PTPN13: variants seen among roughly 807,000 people sequenced by gnomAD.
PTPN13 encodes the protein tyrosine-protein phosphatase non-receptor type 13.
In PTPN13, 191 loss-of-function variants were observed where a neutral mutation model predicts 284.0. That is an observed-to-expected ratio of 0.67 (90% CI 0.60 to 0.76). PTPN13 has a LOEUF of 0.76. PTPN13 is among the 30% of genes least tolerant of loss of function. The pLI is 0.00. For missense variants in PTPN13, 2,797 were observed against 2,939.9 expected (o/e 0.95, Z 1.12); for synonymous variants, 986 against 1,022.3 (o/e 0.96, Z 0.68).
At chr4:86,802,146 AGTGTGTGTGT>A (rs55759778) in intron 42 of PTPN13, among the ~76,000 whole-genome samples, 1 of 135,100 alleles carries the variant, frequency 7.4e-6, no homozygotes, top group African/African-American at 2.6e-5. Flanking sequence ...TCAAGATTTT[AGTGTGTGTGT>A]GTGTGTGTGT....
At chr4:86,724,683 A>ATATT (rs1734037582) in intron 10 of PTPN13, among the ~76,000 whole-genome samples, 2 of 152,134 alleles carry the variant, frequency 1.3e-5, no homozygotes, top group African/African-American at 4.8e-5. Context: ...GTTTGAATTA[A>ATATT]TATTCTTTCC....
At chr4:86,669,156 T>C (rs1727434472) in intron 2 of PTPN13, among the ~76,000 whole-genome samples, 1 of 151,646 alleles carries the variant, frequency 6.6e-6, no homozygotes. Flanking sequence ...TGAAGTAATT[T>C]GGCTATCCTC....
intron 1 of PTPN13, among the ~76,000 whole-genome samples, chr4:86,600,062 A>T (rs550832829): frequency 6.6e-6 from 1 of 152,148 alleles, no homozygotes; most frequent in African/African-American, 2.4e-5. Flanking sequence ...AAATGATGTG[A>T]TTGAGCTTTC....
intron 40 of PTPN13, among the ~76,000 whole-genome samples, chr4:86,786,817 T>C (rs1741967505): frequency 6.6e-6 from 1 of 152,160 alleles, no homozygotes; most frequent in African/African-American, 2.4e-5. Context: ...AGAAATGTGA[T>C]GTAGGCCGGG....
At chr4:86,786,290 G>C (rs1392384472) in intron 40 of PTPN13, among the ~76,000 whole-genome samples, 2 of 152,136 alleles carry the variant, frequency 1.3e-5, no homozygotes, top group African/African-American at 2.4e-5. Flanking sequence ...GGTTCTTCAA[G>C]CTCAGCATCA....
intron 1 of PTPN13, among the ~76,000 whole-genome samples, chr4:86,612,263 G>C (rs1023046318): frequency 6.6e-6 from 1 of 152,234 alleles, no homozygotes; most frequent in Non-Finnish European, 1.5e-5. Flanking sequence ...AGGAAAATAT[G>C]ATCTATAATG....
At position 86,722,269 on chromosome 4, in the gene PTPN13, A is replaced by G; in HGVS notation, c.1443A>G (p.Lys481=). The G allele has an allele frequency of 1.9e-6, 3 of 1,613,780 alleles. No individual in the cohort carries two copies. Among genetic ancestry groups the G allele is most frequent in the Non-Finnish European group, 2.5e-6 (3 of 1,179,816 alleles). Residue 481 remains lysine, a synonymous_variant, in exon 10 of 48, where the codon AAA becomes AAG. Coordinates refer to ENST00000411767, the MANE Select transcript of PTPN13 (RefSeq NM_080683.3). ...GNLINQEIML[K]RQEEELMQLQ... is the part of the protein sequence containing the mutation. ...TAATTAATCAAGAGATCATGCTAAA[A>G]CGGCAAGAGGAAGAACTGATGCAGC...
At chr4:86,709,112 C>T (rs986436320) in intron 7 of PTPN13, among the ~76,000 whole-genome samples, 1 of 151,850 alleles carries the variant, frequency 6.6e-6, no homozygotes, top group African/African-American at 2.4e-5. Flanking sequence ...TGGATGGATG[C>T]GTGGATAGAT....
At chr4:86,717,724 G>C (rs1733193297) in intron 9 of PTPN13, among the ~76,000 whole-genome samples, 1 of 152,106 alleles carries the variant, frequency 6.6e-6, no homozygotes, top group African/African-American at 2.4e-5. Context: ...AAAAATCTGT[G>C]AGAAGATAGG....
intron 42 of PTPN13, among the ~76,000 whole-genome samples, chr4:86,801,492 TTC>T (rs1317225757): frequency 6.6e-6 from 1 of 152,234 alleles, no homozygotes; most frequent in Admixed American, 6.5e-5. Flanking sequence ...AGATTAGAAT[TTC>T]AGTTACAGCT....
At position 86,638,230 on chromosome 4, in the gene PTPN13, T is replaced by A. The variant is rs1433567672; in HGVS notation, c.115+2859T>A. Among the ~76,000 whole-genome samples, 3 of 152,078 alleles carry A rather than the reference T, an allele frequency of 2.0e-5. No individual in the cohort carries two copies. The East Asian group carries it at 5.8e-4, about 29-fold the overall frequency. ...CATGCTCATGGGTAGGAAGAGTCAA[T>A]ATCGTGAAAATGGCCATACTGCCCA... On this transcript the variant is annotated intron_variant, in intron 2 of 47. Transcript: ENST00000411767.
At chr4:86,793,640 T>A (rs1742952004) in intron 40 of PTPN13, among the ~76,000 whole-genome samples, 1 of 152,138 alleles carries the variant, frequency 6.6e-6, no homozygotes, top group African/African-American at 2.4e-5. Context: ...AGAACAGAAA[T>A]TATAACAAAC....
Position 86,672,520 on chromosome 4 carries a change from A to T in PTPN13, c.271A>T (p.Thr91Ser). 6.2e-7 allele frequency: 1 copy of T among 1,606,222 alleles called. No individual in the cohort carries two copies. The highest frequency in any genetic ancestry group is 8.5e-7 in the Non-Finnish European group (1 of 1,176,174). ...AGAGGTTCTTCAAAATCAGTCACTA[A>T]CTTCTCTCTCAGATGTTGAAAAGGT... The part of the protein sequence containing the change: ...APEVLQNQSL[T>S]SLSDVEKIHI... Residue 91 changes from threonine to serine, a missense_variant, in exon 3 of 48, where the codon ACT becomes TCT. By Grantham distance (58) the Thr-to-Ser change is moderately conservative. Coordinates refer to ENST00000411767, the MANE Select transcript of PTPN13 (RefSeq NM_080683.3).
Position 86,771,370 on chromosome 4 carries a change from C to T in PTPN13, c.5003C>T (p.Ala1668Val), listed in dbSNP as rs61730639. The change falls in exon 31 of 48, where the codon GCA (alanine) becomes GTA (valine). Residue 1668 changes from alanine (A) to valine (V), a missense_variant. Coordinates refer to ENST00000411767, the MANE Select transcript of PTPN13 (RefSeq NM_080683.3). ...GAAGATGACTTAGTGACAGCTCCAG[C>T]AAACATATCAAATTCGACCTGGAGT... ...SGEDDLVTAP[A>V]NISNSTWSSA... The T allele has an allele frequency of 6.3e-7, 1 of 1,576,770 alleles. No homozygotes were observed. Among genetic ancestry groups the T allele is most frequent in the Non-Finnish European group, 8.6e-7 (1 of 1,160,702 alleles).
chr4:86,753,411 G>A (rs62305561), intron 20 of PTPN13, among the ~76,000 whole-genome samples: 1 of 152,040 alleles, frequency 6.6e-6, no homozygotes, highest in Non-Finnish European at 1.5e-5. Flanking sequence ...CATTCAGACG[G>A]AACAATAAAG....
At chr4:86,631,976 A>G (rs1260611494) in intron 1 of PTPN13, among the ~76,000 whole-genome samples, 2 of 152,164 alleles carry the variant, frequency 1.3e-5, no homozygotes, top group East Asian at 1.9e-4. Context: ...TAAAGCCAAC[A>G]TACTGGTTTT....
At chr4:86,705,106 C>T (rs532343652) in intron 7 of PTPN13, among the ~76,000 whole-genome samples, 1,907 of 152,010 alleles carry the variant, frequency 0.013, 23 homozygotes, top group South Asian at 0.055. Flanking sequence ...GAGGCCAGGG[C>T]GGGCAGATCA....
rs1408481509 is a variant in PTPN13 at position 86,594,513 on chromosome 4, C to G, written c.-282C>G. 1 of 152,454 alleles carries G rather than the reference C, an allele frequency of 6.6e-6. No homozygotes were observed. The highest frequency in any genetic ancestry group is 2.4e-5 in the African/African-American group (1 of 41,430). 9.4% of individuals were successfully genotyped at this position (152,454 alleles called of 1,614,324 possible). A position where few individuals can be genotyped will look rare whatever the true frequency, so the allele number is the denominator to read the frequency against. The stretch of plus-strand genomic sequence containing the variant: ...AGAGGCGTCGAGCACAGTAGGGCGG[C>G]GGGGGTGCGTTGAGCGCTCGGGGGT... On this transcript the variant is annotated 5_prime_UTR_variant, in exon 1 of 48. Transcript: ENST00000411767.
intron 10 of PTPN13, among the ~76,000 whole-genome samples, chr4:86,731,748 A>G (rs1734980993): frequency 6.6e-6 from 1 of 152,254 alleles, no homozygotes; most frequent in Non-Finnish European, 1.5e-5. Context: ...GGCACAAGTT[A>G]TCCTCTGGCC....
Sources: allele counts gnomAD v4.1 joint callset (sites outside exome capture counted in the v4.1 genomes callset), GRCh38; gene constraint gnomAD v4.1.1; transcripts MANE v1.5; gene names NCBI Gene and HGNC (gene_info 2026-07-23, HGNC 2026-07-21).